The following SHC4 variants were observed in gnomAD, a reference collection of about 807,000 sequenced individuals.
SHC4 encodes SHC-transforming protein 4.
A neutral mutation model predicts 69.4 loss-of-function variants in SHC4; 41 were observed. The observed-to-expected ratio is 0.59, with a 90% CI of 0.46 to 0.77. The LOEUF (loss-of-function observed/expected upper bound fraction) is 0.77. SHC4 is among the 30% of genes least tolerant of loss of function. The pLI is 0.00. For synonymous variants in SHC4, 318 were observed against 299.3 expected (o/e 1.06, Z -0.64); for missense variants, 777 against 783.8 (o/e 0.99, Z 0.10).
intron 1 of SHC4, among the ~76,000 whole-genome samples, chr15:48,928,441 A>T (rs1216507365): frequency 2.0e-5 from 3 of 152,144 alleles, no homozygotes; most frequent in Non-Finnish European, 4.4e-5. Flanking sequence ...GAAATGTCTG[A>T]ACAGGAGGGG....
chr15:48,913,260 G>C (rs536151423), intron 2 of SHC4, among the ~76,000 whole-genome samples: 36 of 152,184 alleles, frequency 2.4e-4, no homozygotes, highest in African/African-American at 8.7e-4. Flanking sequence ...TCCTTGGGCA[G>C]GTCTTGATGT....
chr15:48,866,809 A>C (rs4775781), intron 6 of SHC4, among the ~76,000 whole-genome samples: 128,367 of 152,178 alleles, frequency 0.84, 54,378 homozygotes, highest in East Asian at 1. Context: ...CAAACTCCAT[A>C]CCTGGGACAG....
intron 1 of SHC4, among the ~76,000 whole-genome samples, chr15:48,941,723 CAT>C (rs1901178417): frequency 6.6e-6 from 1 of 152,080 alleles, no homozygotes; most frequent in African/African-American, 2.4e-5. Context: ...GCCCTTTTCA[CAT>C]GTCTGGATAC....
At position 48,962,650 on chromosome 15, in the gene SHC4, G is replaced by A; in HGVS notation, c.366C>T (p.Ser122=). Residue 122 remains serine, a synonymous_variant, in exon 1 of 12, where the codon AGC becomes AGT. Coordinates refer to ENST00000332408, the MANE Select transcript of SHC4 (RefSeq NM_203349.4). ...AGGGGCCGCTGGAACCTGGGTCCCG[G>A]CTTTCCTGGAGCTTCAGCCGAGGCA... The part of the protein sequence containing the change: ...KEVPRLKLQE[S]RDPGSSGPSS... 6.2e-7 allele frequency: 1 copy of A among 1,614,214 alleles called. No homozygotes were observed. The highest frequency in any genetic ancestry group is 1.1e-5 in the South Asian group (1 of 91,090).
rs1277541919 is a variant in SHC4 at position 48,916,271 on chromosome 15, GCT to G, written c.656+8606_656+8607del. Among the ~76,000 whole-genome samples the G allele has an allele frequency of 8.2e-3, 896 of 108,616 alleles. 9 individuals are homozygous for G. Among genetic ancestry groups the G allele is most frequent in the African/African-American group, 0.025 (746 of 29,504 alleles). The allele number at this position is 108,616 out of a possible 152,430, so 71.3% of individuals were successfully genotyped here. ...TGAATCTGCTTTGCAGCTGATGGTT[GCT>G]CACACACACACACACACACACACAC... On this transcript the variant is annotated intron_variant, in intron 2 of 11. Coordinates refer to ENST00000332408, the MANE Select transcript of SHC4 (RefSeq NM_203349.4).
intron 9 of SHC4, among the ~76,000 whole-genome samples, chr15:48,850,316 A>AT (rs1453402224): frequency 8.5e-5 from 13 of 152,284 alleles, no homozygotes; most frequent in Admixed American, 2.6e-4. Context: ...AATCATACCT[A>AT]TACCAGAAAG....
chr15:48,848,595 C>A (rs1235695514), intron 9 of SHC4, among the ~76,000 whole-genome samples: 1 of 152,138 alleles, frequency 6.6e-6, no homozygotes, highest in African/African-American at 2.4e-5. Context: ...AGGCTCCAAA[C>A]AAACTTTTAT....
chr15:48,867,476 T>C (rs1214134265), intron 6 of SHC4, among the ~76,000 whole-genome samples: 1 of 152,044 alleles, frequency 6.6e-6, no homozygotes, highest in African/African-American at 2.4e-5. Flanking sequence ...TGCAGGCCAA[T>C]AACCTCACTC....
intron 1 of SHC4, among the ~76,000 whole-genome samples, chr15:48,948,621 C>T (rs1901313676): frequency 6.6e-6 from 1 of 152,230 alleles, no homozygotes; most frequent in Non-Finnish European, 1.5e-5. Flanking sequence ...AGTAAACACA[C>T]TGGGCTGGGC....
intron 6 of SHC4, among the ~76,000 whole-genome samples, 200 bp from the exon 7 acceptor site, chr15:48,858,015 A>G (rs1020660349): frequency 2.6e-5 from 4 of 152,338 alleles, no homozygotes; most frequent in South Asian, 4.1e-4. Flanking sequence ...CAAATTTTAC[A>G]TCAAAATATA....
At position 48,851,001 on chromosome 15, in the gene SHC4, A is replaced by G. The variant is rs145343296; in HGVS notation, c.1303+187T>C. 2.0e-5 allele frequency among the ~76,000 whole-genome samples: 3 copies of G among 152,358 alleles called. No homozygotes were observed. In the East Asian group the frequency reaches 5.8e-4, roughly 29 times the overall value. ...GATCACACAAGAGCAAGGGAGAACC[A>G]TGAGCCTTCCTAGTGACACATATGC... On this transcript the variant is annotated intron_variant, in intron 9 of 11. Transcript: ENST00000332408.
At chr15:48,888,071 T>C (rs1298645269) in intron 3 of SHC4, among the ~76,000 whole-genome samples, 1 of 152,024 alleles carries the variant, frequency 6.6e-6, no homozygotes, top group Non-Finnish European at 1.5e-5. Flanking sequence ...CCTAAAAAAA[T>C]TAAAAAATAG....
At chr15:48,851,437 T>G (rs1899212922) in intron 8 of SHC4, among the ~76,000 whole-genome samples, 189 bp from the exon 9 acceptor site, 1 of 152,178 alleles carries the variant, frequency 6.6e-6, no homozygotes, top group African/African-American at 2.4e-5. Context: ...GTTCATCGCC[T>G]TGGAGCTGCA....
At chr15:48,893,999 G>A (rs1443353030) in intron 2 of SHC4, among the ~76,000 whole-genome samples, 1 of 152,180 alleles carries the variant, frequency 6.6e-6, no homozygotes, top group East Asian at 1.9e-4. Flanking sequence ...GACAAGGTGG[G>A]GAGAAGCCTG....
chr15:48,936,096 C>A (rs932422153), intron 1 of SHC4, among the ~76,000 whole-genome samples: 3 of 151,938 alleles, frequency 2.0e-5, no homozygotes, highest in Non-Finnish European at 4.4e-5. Context: ...GTGTTGTATC[C>A]CCAACACCTA....
At chr15:48,842,772 A>C (rs537958028) in intron 10 of SHC4, among the ~76,000 whole-genome samples, 1 of 152,252 alleles carries the variant, frequency 6.6e-6, no homozygotes, top group Non-Finnish European at 1.5e-5. Context: ...GTTTACAAAA[A>C]ATACAAAAAT....
intron 1 of SHC4, among the ~76,000 whole-genome samples, chr15:48,928,550 G>T (rs759842223): frequency 2.4e-4 from 36 of 152,154 alleles, no homozygotes; most frequent in Non-Finnish European, 1.6e-4. Flanking sequence ...GCTATTCTCA[G>T]CCCAGTTATT....
chr15:48,918,848 G>C (rs1900680383), intron 2 of SHC4, among the ~76,000 whole-genome samples: 1 of 152,170 alleles, frequency 6.6e-6, no homozygotes, highest in East Asian at 1.9e-4. Context: ...TAAAGTGAGA[G>C]ATAATCTATT....
intron 2 of SHC4, among the ~76,000 whole-genome samples, chr15:48,893,136 A>G (rs1293741019): frequency 1.3e-5 from 2 of 152,180 alleles, no homozygotes; most frequent in Non-Finnish European, 2.9e-5. Flanking sequence ...AGCTGAAGGG[A>G]ATACTTTACA....
Sources: allele counts gnomAD v4.1 joint callset (sites outside exome capture counted in the v4.1 genomes callset), GRCh38; gene constraint gnomAD v4.1.1; transcripts MANE v1.5; gene names NCBI Gene and HGNC (gene_info 2026-07-23, HGNC 2026-07-21).